EXT2: variants seen among roughly 807,000 people sequenced by gnomAD.
EXT2 encodes exostosin glycosyltransferase 2.
Under a neutral mutation model 81.6 loss-of-function variants are expected in EXT2, and 53 were observed. That is an observed-to-expected ratio of 0.65 (90% CI 0.52 to 0.82). The LOEUF is 0.82. EXT2 is among the 40% of genes least tolerant of loss of function. EXT2 has a pLI of 0.00. For synonymous variants in EXT2, 320 were observed against 340.0 expected, an observed-to-expected ratio of 0.94 and a Z score of 0.65; for missense variants, 774 against 910.2, an observed-to-expected ratio of 0.85 and a Z score of 1.93.
chr11:44,144,428 C>A lies in EXT2; in HGVS notation c.1173+14290C>A. The A allele has an allele frequency of 3.6e-6, 4 of 1,108,034 alleles. No homozygotes were observed. In the South Asian group the frequency reaches 5.5e-5, roughly 15 times the overall value. 68.6% of individuals were successfully genotyped at this position (1,108,034 alleles called of 1,614,324 possible). A position where few individuals can be genotyped will look rare whatever the true frequency, so the allele number is the denominator to read the frequency against. ...CTTGACCAAACACAGTTTTATTGGT[C>A]AGTGGCTCCTGCTTTAGTAACCTTT... On this transcript the variant is annotated intron_variant, in intron 7 of 13. Transcript: ENST00000533608.
At chr11:44,118,683 A>G (rs934053549) in intron 4 of EXT2, among the ~76,000 whole-genome samples, 1 of 152,208 alleles carries the variant, frequency 6.6e-6, no homozygotes, top group Non-Finnish European at 1.5e-5. Context: ...ATTCACGGAC[A>G]GAAGAAACTG....
chr11:44,230,993 A>G (rs1164353737), intron 10 of EXT2, among the ~76,000 whole-genome samples: 2 of 152,192 alleles, frequency 1.3e-5, no homozygotes, highest in Non-Finnish European at 2.9e-5. Context: ...GAAATCGATG[A>G]TGAAAATAAC....
At chr11:44,205,405 G>T (rs968447920) in intron 9 of EXT2, among the ~76,000 whole-genome samples, 1 of 152,230 alleles carries the variant, frequency 6.6e-6, no homozygotes, top group Non-Finnish European at 1.5e-5. Flanking sequence ...TATGTGCCAA[G>T]AATGAAACTA....
chr11:44,144,642 C>T (rs1382499013), intron 7 of EXT2, among the ~76,000 whole-genome samples: 1 of 152,128 alleles, frequency 6.6e-6, no homozygotes, highest in East Asian at 1.9e-4. Context: ...AAGGTGATAC[C>T]CCTGAGACTT....
At chr11:44,102,635 G>A (rs536194303) in intron 1 of EXT2, among the ~76,000 whole-genome samples, 1 of 149,934 alleles carries the variant, frequency 6.7e-6, no homozygotes, top group South Asian at 2.1e-4. Flanking sequence ...AACATAGTGA[G>A]TGTCAGCTCC....
chr11:44,182,621 T>C (rs919536021), intron 8 of EXT2, among the ~76,000 whole-genome samples: 2 of 152,226 alleles, frequency 1.3e-5, no homozygotes, highest in Non-Finnish European at 2.9e-5. Flanking sequence ...TGTTTATCTT[T>C]TATCACAGTT....
At chr11:44,169,978 C>T (rs1955048578) in intron 7 of EXT2, among the ~76,000 whole-genome samples, 1 of 152,022 alleles carries the variant, frequency 6.6e-6, no homozygotes, top group African/African-American at 2.4e-5. Flanking sequence ...AATCCATAGG[C>T]ACACATGCAG....
chr11:44,161,529 G>T (rs1454737669), intron 7 of EXT2, among the ~76,000 whole-genome samples: 3 of 151,994 alleles, frequency 2.0e-5, no homozygotes, highest in Non-Finnish European at 4.4e-5. Flanking sequence ...GTAATATTCA[G>T]TGAATACAAT....
Position 44,251,729 on chromosome 11 carries a change from A to T in EXT2, c.*7442A>T, listed in dbSNP as rs1000442191. Reference sequence around the variant, plus strand: ...TTTATGTTTTTAAGTCTATTGTCTTAAAAAGATTCTTTTCCCTTAAAAAAT... The same window carrying T: ...TTTATGTTTTTAAGTCTATTGTCTTTAAAAGATTCTTTTCCCTTAAAAAAT... On this transcript the variant is annotated 3_prime_UTR_variant, in exon 14 of 14. Coordinates refer to ENST00000533608, the MANE Select transcript of EXT2 (RefSeq NM_207122.2). Among the ~76,000 whole-genome samples, 1 of 152,238 alleles carries T rather than the reference A, an allele frequency of 6.6e-6. No individual in the cohort carries two copies. The highest frequency in any genetic ancestry group is 6.5e-5 in the Admixed American group (1 of 15,286).
chr11:44,114,632 C>T (rs193079101), intron 4 of EXT2, among the ~76,000 whole-genome samples: 11 of 152,226 alleles, frequency 7.2e-5, no homozygotes, highest in Admixed American at 1.3e-4. Flanking sequence ...GTCTGCTCCC[C>T]GAATCCTCCT....
At position 44,244,663 on chromosome 11, in the gene EXT2, C is replaced by A. The variant is rs1364101732; in HGVS notation, c.*376C>A. On this transcript the variant is annotated 3_prime_UTR_variant, in exon 14 of 14. Transcript: ENST00000533608. ...CTGCTGGAGAAGAGAAGCGTGTTAGCCCATTTGAGGTCTGGGGAATCATGT... is the reference window on the plus strand; with the variant it reads ...CTGCTGGAGAAGAGAAGCGTGTTAGACCATTTGAGGTCTGGGGAATCATGT... The A allele has an allele frequency of 2.7e-6, 1 of 369,798 alleles. No individual in the cohort carries two copies. Among genetic ancestry groups the A allele is most frequent in the East Asian group, 4.2e-5 (1 of 23,634 alleles). The allele number at this position is 369,798 out of a possible 1,614,324, so 22.9% of individuals were successfully genotyped here. A position where few individuals can be genotyped will look rare whatever the true frequency, so the allele number is the denominator to read the frequency against.
In EXT2 at chr11:44,186,989, CCTT is replaced by C. The variant is rs1565226870; in HGVS notation, c.1306-10838_1306-10836del. Among the ~76,000 whole-genome samples, 91 of 62,168 alleles carry C rather than the reference CCTT, an allele frequency of 1.5e-3. 2 individuals carry two copies. Among genetic ancestry groups the C allele is most frequent in the African/African-American group, 6.1e-3 (87 of 14,340 alleles). 40.8% of individuals were successfully genotyped at this position (62,168 alleles called of 152,430 possible). A position where few individuals can be genotyped will look rare whatever the true frequency, so the allele number is the denominator to read the frequency against. On this transcript the variant is annotated intron_variant, in intron 8 of 13. Transcript: ENST00000533608. The stretch of plus-strand genomic sequence containing the variant: ...GCTTGACCTTGTACAAAATTTCCTT[CCTT>C]CCTTCCTTCCTTCCTTCCTTCCTTC...
chr11:44,236,160 T>G (rs1228194301), intron 12 of EXT2, 133 bp from the exon 13 acceptor site: 9 of 363,430 alleles, frequency 2.5e-5, no homozygotes, highest in Admixed American at 1.1e-4. Flanking sequence ...AATGGCGAGG[T>G]GTGTGTGTGT....
At chr11:44,138,952 G>A (rs1036637211) in intron 7 of EXT2, among the ~76,000 whole-genome samples, 1 of 152,168 alleles carries the variant, frequency 6.6e-6, no homozygotes, top group Non-Finnish European at 1.5e-5. Context: ...GTATTAGAAG[G>A]AGCCTCCAAG....
chr11:44,172,172 C>T (rs1401123328), intron 8 of EXT2, among the ~76,000 whole-genome samples: 1 of 152,150 alleles, frequency 6.6e-6, no homozygotes, highest in African/African-American at 2.4e-5. Flanking sequence ...TTAATATTTC[C>T]AACACTCTGT....
intron 7 of EXT2, among the ~76,000 whole-genome samples, chr11:44,141,330 A>G (rs1346824895): frequency 6.6e-6 from 1 of 152,122 alleles, no homozygotes; most frequent in Non-Finnish European, 1.5e-5. Context: ...AATATTTTTG[A>G]TCTGTGATTG....
chr11:44,179,786 G>A (rs935517272), intron 8 of EXT2, among the ~76,000 whole-genome samples: 2 of 152,002 alleles, frequency 1.3e-5, no homozygotes, highest in Non-Finnish European at 2.9e-5. Context: ...CTAATAAATG[G>A]GTCATTACAG....
intron 7 of EXT2, among the ~76,000 whole-genome samples, chr11:44,166,354 C>T (rs932301913): frequency 6.6e-6 from 1 of 152,116 alleles, no homozygotes; most frequent in African/African-American, 2.4e-5. Context: ...AAAGCAGTAA[C>T]ATGAATTTAA....
At chr11:44,105,012 C>A (rs1954035256) in intron 1 of EXT2, among the ~76,000 whole-genome samples, 1 of 152,138 alleles carries the variant, frequency 6.6e-6, no homozygotes, top group African/African-American at 2.4e-5. Flanking sequence ...GTTCCAGTTT[C>A]TGGTCTTAGA....
Sources: gnomAD v4.1 joint callset for allele counts (sites outside exome capture counted in the v4.1 genomes callset) on GRCh38, gnomAD v4.1.1 for gene constraint, MANE v1.5 for transcripts, NCBI Gene and HGNC (gene_info 2026-07-23, HGNC 2026-07-21) for gene names.